The following CASP10 variants were observed in gnomAD, a reference collection of about 807,000 sequenced individuals.
CASP10 encodes caspase 10, also known as caspase-10.
A neutral mutation model predicts 48.5 loss-of-function variants in CASP10; 41 were observed. The observed-to-expected ratio is 0.85, with a 90% CI of 0.66 to 1.10. The LOEUF is 1.10. CASP10 is among the 50% of genes least tolerant of loss of function. The pLI, the probability that CASP10 is intolerant of heterozygous loss-of-function variation, is 0.00. For missense variants in CASP10, 614 were observed against 614.5 expected (o/e 1.00, Z 0.01); for synonymous variants, 232 against 238.4 (o/e 0.97, Z 0.25).
At chr2:201,188,676 T>C (rs1008818326) in intron 3 of CASP10, among the ~76,000 whole-genome samples, 1 of 152,148 alleles carries the variant, frequency 6.6e-6, no homozygotes, top group African/African-American at 2.4e-5. Flanking sequence ...CCTCTGCATT[T>C]CCTGCAGACT....
At chr2:201,191,508 G>T (rs929158927) in intron 3 of CASP10, among the ~76,000 whole-genome samples, 4 of 152,158 alleles carry the variant, frequency 2.6e-5, no homozygotes, top group Non-Finnish European at 2.9e-5. Flanking sequence ...GCCTTTGGAA[G>T]TGTGTAAAGG....
chr2:201,195,168 T>C (rs571094531), intron 4 of CASP10, among the ~76,000 whole-genome samples: 2 of 152,282 alleles, frequency 1.3e-5, no homozygotes, highest in East Asian at 3.9e-4. Context: ...CTTGGCTCAC[T>C]GAAACCTCCA....
intron 5 of CASP10, among the ~76,000 whole-genome samples, chr2:201,202,526 C>G (rs553771770): frequency 1.3e-5 from 2 of 152,190 alleles, no homozygotes; most frequent in African/African-American, 4.8e-5. Flanking sequence ...TCTGCATTGC[C>G]CCTAATCCCA....
At chr2:201,227,590 T>A (rs1945804420) in intron 9 of CASP10, among the ~76,000 whole-genome samples, 1 of 152,194 alleles carries the variant, frequency 6.6e-6, no homozygotes, top group South Asian at 2.1e-4. Flanking sequence ...GGAGTCTCGC[T>A]CTGTTGCCCA....
chr2:201,203,015 A>G (rs952388682), intron 5 of CASP10, among the ~76,000 whole-genome samples: 7 of 152,156 alleles, frequency 4.6e-5, no homozygotes, highest in Non-Finnish European at 4.4e-5. Flanking sequence ...CAAAAGAGGT[A>G]GTGCACTCAA....
At chr2:201,183,981 C>T (rs1005845176) in intron 1 of CASP10, among the ~76,000 whole-genome samples, 1 of 151,954 alleles carries the variant, frequency 6.6e-6, no homozygotes, top group Non-Finnish European at 1.5e-5. Context: ...CTGCAACTTC[C>T]GCCTCCCAGG....
At chr2:201,192,403 T>TAATAATAATA (rs1944641452) in intron 3 of CASP10, among the ~76,000 whole-genome samples, 1 of 151,090 alleles carries the variant, frequency 6.6e-6, no homozygotes, top group Non-Finnish European at 1.5e-5. Flanking sequence ...AAAATAATAA[T>TAATAATAATA]AATAATAATA....
chr2:201,205,992 A>G lies in CASP10; in HGVS notation c.813+19A>G. On this transcript the variant is annotated intron_variant, in intron 7 of 9. Transcript: ENST00000286186. ...CACAAAGGTCTGGATGGTTTCTTTT[A>G]TTCCTTTTTTAATAAAAAAATTTTT... The G allele has an allele frequency of 1.3e-6, 2 of 1,556,802 alleles. No homozygotes were observed. The highest frequency in any genetic ancestry group is 8.8e-7 in the Non-Finnish European group (1 of 1,133,132).
downstream of CASP10, among the ~76,000 whole-genome samples, chr2:201,224,993 C>A (rs1945769838): frequency 6.6e-6 from 1 of 152,056 alleles, no homozygotes. Flanking sequence ...CCTCCATGTC[C>A]CCCCAATCAT....
chr2:201,189,157 C>T (rs1178930647), intron 3 of CASP10, among the ~76,000 whole-genome samples: 1 of 152,086 alleles, frequency 6.6e-6, no homozygotes, highest in East Asian at 1.9e-4. Flanking sequence ...CAAGTGTGAG[C>T]CACCATACCC....
At chr2:201,192,653 A>G (rs548369867) in intron 3 of CASP10, among the ~76,000 whole-genome samples, 167 of 152,226 alleles carry the variant, frequency 1.1e-3, no homozygotes, top group African/African-American at 3.9e-3. Flanking sequence ...TCGGCAAGTT[A>G]CTGGAATTTC....
chr2:201,207,130 G>A (rs1187493033), intron 7 of CASP10, among the ~76,000 whole-genome samples: 1 of 152,120 alleles, frequency 6.6e-6, no homozygotes, highest in Non-Finnish European at 1.5e-5. Context: ...GAAAGGAACT[G>A]TCTAATCTTT....
At chr2:201,200,733 T>A (rs1944989545) in intron 5 of CASP10, 7 of 1,237,720 alleles carry the variant, frequency 5.7e-6, no homozygotes, top group Non-Finnish European at 7.1e-6. Flanking sequence ...CACCTCCGCC[T>A]GCTTGCTGTG....
downstream of CASP10, among the ~76,000 whole-genome samples, chr2:201,223,587 C>T (rs772222867): frequency 3.9e-5 from 6 of 152,206 alleles, no homozygotes; most frequent in Non-Finnish European, 7.3e-5. Context: ...TTTAAAACCA[C>T]TCATTTTCAT....
At chr2:201,225,732 G>A (rs1292022068), downstream of CASP10, among the ~76,000 whole-genome samples, 1 of 152,212 alleles carries the variant, frequency 6.6e-6, no homozygotes, top group Non-Finnish European at 1.5e-5. Context: ...AGAACTTTGG[G>A]AGGCCGAGGC....
In CASP10 at chr2:201,221,426, C is replaced by T. The variant is rs1945716982; in HGVS notation, c.*3685C>T. The T allele has an allele frequency of 3.3e-6, 1 of 299,594 alleles. No individual in the cohort carries two copies. Among genetic ancestry groups the T allele is most frequent in the African/African-American group, 2.3e-5 (1 of 44,172 alleles). 18.6% of individuals were successfully genotyped at this position (299,594 alleles called of 1,614,324 possible). On this transcript the variant is annotated 3_prime_UTR_variant, in exon 10 of 10. Transcript: ENST00000286186. ...TGAAAATGGCCTGTTCCTGCCTTAA[C>T]TGATGACATTACCTTGTGAAATTCC...
chr2:201,228,540 C>T (rs959122481), intron 9 of CASP10, among the ~76,000 whole-genome samples: 12 of 152,192 alleles, frequency 7.9e-5, no homozygotes, highest in Non-Finnish European at 1.8e-4. Context: ...GTTTAGCCAC[C>T]TGCTGCTGCT....
At chr2:201,202,141 G>A (rs1055128490) in intron 5 of CASP10, among the ~76,000 whole-genome samples, 3 of 152,170 alleles carry the variant, frequency 2.0e-5, no homozygotes, top group African/African-American at 7.2e-5. Context: ...GTGAGCCACC[G>A]TACCCGGCCA....
chr2:201,185,731 C>G, intron 1 of CASP10, 40 bp from the exon 2 acceptor site: 1 of 1,343,522 alleles, frequency 7.4e-7, no homozygotes, highest in Non-Finnish European at 1.1e-6. Flanking sequence ...CATATGTCCT[C>G]ACTCTCTAAC....
Sources: allele counts gnomAD v4.1 joint callset (sites outside exome capture counted in the v4.1 genomes callset), GRCh38; gene constraint gnomAD v4.1.1; transcripts MANE v1.5; gene names NCBI Gene and HGNC (gene_info 2026-07-23, HGNC 2026-07-21).